Variants in ATG7 observed in about 807,000 individuals in gnomAD.
ATG7 encodes ubiquitin-like modifier-activating enzyme ATG7.
ATG7 carries 70 observed loss-of-function variants against 82.4 expected under a neutral mutation model. The observed-to-expected ratio is 0.85, with a 90% CI of 0.70 to 1.04. The LOEUF (loss-of-function observed/expected upper bound fraction) is 1.04, where lower values mean the gene tolerates loss of function less well. ATG7 is among the 50% of genes least tolerant of loss of function. The pLI is 0.00. For synonymous variants in ATG7, 287 were observed against 313.0 expected (o/e 0.92, Z 0.88); for missense variants, 792 against 864.3 (o/e 0.92, Z 1.05).
intron 19 of ATG7, among the ~76,000 whole-genome samples, chr3:11,408,111 A>C (rs1419810791): frequency 5.3e-5 from 8 of 152,198 alleles, no homozygotes. Flanking sequence ...ACAGAACCCA[A>C]GTTACCTCTT....
intron 9 of ATG7, among the ~76,000 whole-genome samples, chr3:11,323,192 G>A (rs1022015277): frequency 2.0e-5 from 3 of 152,262 alleles, no homozygotes; most frequent in South Asian, 2.1e-4. Flanking sequence ...TCCTGTTTTT[G>A]TAGTGTTTTC....
intron 9 of ATG7, among the ~76,000 whole-genome samples, chr3:11,318,011 A>G (rs1409616636): frequency 6.6e-6 from 1 of 152,246 alleles, no homozygotes; most frequent in Non-Finnish European, 1.5e-5. Flanking sequence ...TGTGAGGATT[A>G]AACATGATAA....
At chr3:11,573,707 T>A in the ATG7 span, among the ~76,000 whole-genome samples, 3 of 152,258 alleles carry the variant, frequency 2.0e-5, no homozygotes, top group Non-Finnish European at 2.9e-5. Flanking sequence ...CAGTTGAGCA[T>A]CTTTTCATAC....
At chr3:11,507,837 C>T (rs1303408726) in intron 20 of ATG7, among the ~76,000 whole-genome samples, 1 of 152,044 alleles carries the variant, frequency 6.6e-6, no homozygotes, top group Non-Finnish European at 1.5e-5. Flanking sequence ...GCTTAAAGGA[C>T]TGGACCTGGC....
chr3:11,485,502 T>A (rs2089519775), intron 20 of ATG7, among the ~76,000 whole-genome samples: 1 of 152,236 alleles, frequency 6.6e-6, no homozygotes, highest in African/African-American at 2.4e-5. Flanking sequence ...GCCTGTTCAC[T>A]CTGATGGTAG....
chr3:11,343,528 G>C (rs903627468), intron 13 of ATG7, among the ~76,000 whole-genome samples: 1 of 151,886 alleles, frequency 6.6e-6, no homozygotes, highest in African/African-American at 2.4e-5. Context: ...ATTTTTCTCA[G>C]TTTATCTAAG....
chr3:11,298,435 C>A (rs1411721143), intron 3 of ATG7, among the ~76,000 whole-genome samples: 1 of 152,088 alleles, frequency 6.6e-6, no homozygotes, highest in Non-Finnish European at 1.5e-5. Context: ...TGAAAAAGTT[C>A]TGGAGATCTG....
At chr3:11,576,132 C>A in the ATG7 span, among the ~76,000 whole-genome samples, 1 of 152,178 alleles carries the variant, frequency 6.6e-6, no homozygotes, top group Non-Finnish European at 1.5e-5. Context: ...TCTCACCTGC[C>A]CCCACGTTAG....
rs368096877 is a variant in ATG7 at position 11,378,416 on chromosome 3, C to T, written c.1876-1556C>T. Among the ~76,000 whole-genome samples, 7 of 151,338 alleles carry T rather than the reference C, an allele frequency of 4.6e-5. No homozygotes were observed. In the East Asian group the frequency reaches 1.2e-3, roughly 26 times the overall value. ...GATAAATTCGGGCTGGGCGCGGTGG[C>T]TCACGCCCGTAACCCCAGCACTTTG... On this transcript the variant is annotated intron_variant, in intron 18 of 20. Transcript: ENST00000693202.
chr3:11,576,137 C>T, the ATG7 span, among the ~76,000 whole-genome samples: 4 of 152,228 alleles, frequency 2.6e-5, no homozygotes, highest in East Asian at 1.9e-4. Context: ...CCTGCCCCCA[C>T]GTTAGCAACT....
At position 11,524,654 on chromosome 3, in the gene ATG7, G is replaced by A. The variant is rs115985834; in HGVS notation, c.2080-30157G>A. Among the ~76,000 whole-genome samples the A allele has an allele frequency of 2.1e-3, 322 of 152,274 alleles. 1 individual carries two copies. Among genetic ancestry groups the A allele is most frequent in the African/African-American group, 7.4e-3 (308 of 41,538 alleles). ...GGTAGTGCATTAGTCGAGAATGGTA[G>A]TGCATATCTGTAGTCCCAGCAGCTC... On this transcript the variant is annotated intron_variant, in intron 20 of 20. Transcript: ENST00000693202.
chr3:11,472,638 T>C (rs1043152256), intron 20 of ATG7, among the ~76,000 whole-genome samples: 5 of 152,186 alleles, frequency 3.3e-5, no homozygotes, highest in African/African-American at 1.2e-4. Context: ...TTCTTTTTTG[T>C]TGCTAATACG....
intron 3 of ATG7, among the ~76,000 whole-genome samples, chr3:11,295,658 T>C (rs985978923): frequency 2.6e-5 from 4 of 152,230 alleles, no homozygotes; most frequent in African/African-American, 9.6e-5. Flanking sequence ...CTAGTGTCCA[T>C]TCATCATTAC....
At chr3:11,465,438 CTG>C (rs374885992) in intron 20 of ATG7, among the ~76,000 whole-genome samples, 32 of 126,652 alleles carry the variant, frequency 2.5e-4, no homozygotes, top group African/African-American at 1.1e-3. Context: ...GAGAGAGACT[CTG>C]TCTCAAAAAA....
rs530998585 is a variant in ATG7 at position 11,307,933 on chromosome 3, C to T, written c.333+873C>T. ...TTCTTGACCTGTGGCTTGACTGCTC[C>T]TGGGCCTCCTGCTTTGGCTGCACAT... On this transcript the variant is annotated intron_variant, in intron 6 of 20. Coordinates refer to ENST00000693202, the MANE Select transcript of ATG7 (RefSeq NM_001349232.2). Among the ~76,000 whole-genome samples the T allele has an allele frequency of 2.0e-5, 3 of 152,304 alleles. No individual in the cohort carries two copies. The South Asian group carries it at 6.2e-4, about 32-fold the overall frequency.
intron 8 of ATG7, among the ~76,000 whole-genome samples, chr3:11,313,923 G>A (rs1465625596): frequency 6.6e-6 from 1 of 152,218 alleles, no homozygotes; most frequent in African/African-American, 2.4e-5. Flanking sequence ...TGAAGATGTA[G>A]TGCACAGTAA....
At position 11,333,019 on chromosome 3, in the gene ATG7, C is replaced by T. The variant is rs1168218391; in HGVS notation, c.815C>T (p.Thr272Ile). The T allele has an allele frequency of 6.3e-7, 1 of 1,576,490 alleles. No individual in the cohort carries two copies. Among genetic ancestry groups the T allele is most frequent in the Non-Finnish European group, 8.6e-7 (1 of 1,160,614 alleles). ...GAAGTTGTTTGCTTCCGTGACCGTA[C>T]CATGCAGGGGGCGAGAGACGTTGCC... ...SVEVVCFRDRTMQGARDVAHS... is the reference protein window; with the variant it reads ...SVEVVCFRDRIMQGARDVAHS... The change falls in exon 11 of 21, where the codon ACC (threonine) becomes ATC (isoleucine). Residue 272 changes from threonine (T) to isoleucine (I), a missense_variant. Physicochemically the swap from Thr to Ile is moderately conservative, Grantham distance 89 (BLOSUM62 -1). Coordinates refer to ENST00000693202, the MANE Select transcript of ATG7 (RefSeq NM_001349232.2).
At chr3:11,574,121 G>T in the ATG7 span, among the ~76,000 whole-genome samples, 16 of 152,178 alleles carry the variant, frequency 1.1e-4, no homozygotes, top group Admixed American at 1.0e-3. Flanking sequence ...CAGGAACGGT[G>T]AGACAATACG....
chr3:11,533,612 G>A (rs2092733719), intron 20 of ATG7, among the ~76,000 whole-genome samples: 1 of 148,348 alleles, frequency 6.7e-6, no homozygotes, highest in Admixed American at 6.8e-5. Flanking sequence ...TCTCTGAAAT[G>A]ACGAAAAACT....
Sources: gnomAD v4.1 joint callset for allele counts (sites outside exome capture counted in the v4.1 genomes callset) on GRCh38, gnomAD v4.1.1 for gene constraint, MANE v1.5 for transcripts, NCBI Gene and HGNC (gene_info 2026-07-23, HGNC 2026-07-21) for gene names.